Variants in CDH23 observed in about 807,000 individuals in gnomAD.
CDH23 encodes cadherin related 23, also known as cadherin-23.
A neutral mutation model predicts 317.1 loss-of-function variants in CDH23; 189 were observed. The ratio of observed to expected loss-of-function variants is 0.60; its 90% confidence interval spans 0.53 to 0.67. The LOEUF is 0.67. Ranked by LOEUF, CDH23 falls within the 30% of genes least tolerant of loss-of-function variation. CDH23 has a pLI of 0.00. For synonymous variants in CDH23, 1,839 were observed against 1,876.8 expected (o/e 0.98, Z 0.52); for missense variants, 4,401 against 4,592.4 (o/e 0.96, Z 1.20).
chr10:71,527,261 C>T (rs971305070), intron 6 of CDH23, among the ~76,000 whole-genome samples: 2 of 152,260 alleles, frequency 1.3e-5, no homozygotes, highest in Non-Finnish European at 2.9e-5. Flanking sequence ...GCCACAGCCG[C>T]CCTGCCTCCT....
At chr10:71,693,078 C>T (rs996125154) in intron 20 of CDH23, among the ~76,000 whole-genome samples, 14 of 152,216 alleles carry the variant, frequency 9.2e-5, no homozygotes, top group African/African-American at 3.1e-4. Flanking sequence ...ATCTTCACCA[C>T]GTGGGTGCTC....
At chr10:71,414,538 T>G (rs936961308) in intron 1 of CDH23, among the ~76,000 whole-genome samples, 3 of 152,260 alleles carry the variant, frequency 2.0e-5, no homozygotes, top group Non-Finnish European at 4.4e-5. Context: ...ATTCTTCTCA[T>G]AACCCCTTAT....
At chr10:71,493,622 G>C (rs887981193) in intron 3 of CDH23, among the ~76,000 whole-genome samples, 1 of 152,194 alleles carries the variant, frequency 6.6e-6, no homozygotes, top group Admixed American at 6.5e-5. Flanking sequence ...GGGGAAGGCT[G>C]TATTTTCTTT....
intron 1 of CDH23, among the ~76,000 whole-genome samples, chr10:71,404,952 C>T (rs763989280): frequency 6.6e-6 from 1 of 152,094 alleles, no homozygotes; most frequent in Non-Finnish European, 1.5e-5. Flanking sequence ...AATTTGGGAG[C>T]CAGCGAAAGC....
chr10:71,778,594 C>T (rs1840873435), intron 40 of CDH23, among the ~76,000 whole-genome samples: 1 of 152,228 alleles, frequency 6.6e-6, no homozygotes, highest in South Asian at 2.1e-4. Context: ...TGCTCTTCCA[C>T]TTTCTAGCTG....
At chr10:71,424,006 T>C (rs1182969754) in intron 1 of CDH23, among the ~76,000 whole-genome samples, 1 of 152,208 alleles carries the variant, frequency 6.6e-6, no homozygotes, top group African/African-American at 2.4e-5. Flanking sequence ...GGCTTGAGAA[T>C]TGGGCAGAAG....
intron 5 of CDH23, 49 bp from the exon 6 acceptor site, chr10:71,511,071 G>A (rs780891004): frequency 6.2e-7 from 1 of 1,611,966 alleles, no homozygotes; most frequent in Admixed American, 1.7e-5. Context: ...TAGGGTGGAA[G>A]AGGCCAGAGT....
intron 38 of CDH23, 133 bp from the exon 39 acceptor site, chr10:71,777,546 AC>A: frequency 2.7e-6 from 2 of 740,932 alleles, no homozygotes; most frequent in Non-Finnish European, 4.5e-6. Context: ...CCTGTGACCC[AC>A]CCCCTGCTTT....
At chr10:71,479,861 C>T (rs1341226899) in intron 3 of CDH23, among the ~76,000 whole-genome samples, 1 of 151,896 alleles carries the variant, frequency 6.6e-6, no homozygotes, top group African/African-American at 2.4e-5. Flanking sequence ...TTTAGGGGCT[C>T]GGGGAGCCAT....
chr10:71,617,230 C>A lies in CDH23; in HGVS notation c.971C>A (p.Thr324Asn). The A allele has an allele frequency of 1.2e-6, 2 of 1,613,910 alleles. No homozygotes were observed. The highest frequency in any genetic ancestry group is 1.7e-6 in the Non-Finnish European group (2 of 1,179,828). Residue 324 changes from threonine to asparagine, a missense_variant, in exon 11 of 70, where the codon ACC (threonine) becomes AAC (asparagine). Physicochemically the swap from Thr to Asn is moderately conservative, Grantham distance 65 (BLOSUM62 0). Around this residue, in one of 3 missense-constraint regions of CDH23, gnomAD observed 3,068 missense variants for 3,203.3 expected, o/e 0.96. Coordinates refer to ENST00000224721, the MANE Select transcript of CDH23 (RefSeq NM_022124.6). ...VKGTELNDDR[T>N]PSDATVTTTF... ...GGCACGGAGCTGAACGATGACCGCA[C>A]CCCATCTGACGCTACAGTCACCACG...
chr10:71,700,126 C>A (rs188614711), intron 22 of CDH23, among the ~76,000 whole-genome samples: 6 of 152,326 alleles, frequency 3.9e-5, no homozygotes, highest in African/African-American at 1.4e-4. Flanking sequence ...GTCGCTCACA[C>A]CTGTAATCCT....
At chr10:71,730,420 C>T (rs760076275) in intron 30 of CDH23, 49 bp from the exon 31 acceptor site, 14 of 1,599,270 alleles carry the variant, frequency 8.8e-6, no homozygotes, top group East Asian at 2.2e-5. Flanking sequence ...CCTGGGCTTC[C>T]CAGCCTCCAC....
intron 35 of CDH23, among the ~76,000 whole-genome samples, chr10:71,738,920 T>A (rs1839656583): frequency 6.6e-6 from 1 of 152,242 alleles, no homozygotes; most frequent in Non-Finnish European, 1.5e-5. Flanking sequence ...GGGTAACTCC[T>A]TCCCACGCAG....
At chr10:71,665,237 G>A (rs1448416201) in intron 14 of CDH23, among the ~76,000 whole-genome samples, 1 of 152,056 alleles carries the variant, frequency 6.6e-6, no homozygotes, top group African/African-American at 2.4e-5. Flanking sequence ...ACACCTATCC[G>A]CTGGCAAGAA....
chr10:71,552,190 A>G (rs1383578832), intron 6 of CDH23, among the ~76,000 whole-genome samples: 1 of 152,238 alleles, frequency 6.6e-6, no homozygotes, highest in Non-Finnish European at 1.5e-5. Context: ...ACTGAGGCTC[A>G]GAGAGCTTCA....
intron 3 of CDH23, among the ~76,000 whole-genome samples, chr10:71,470,504 T>C (rs982844042): frequency 1.5e-5 from 2 of 137,136 alleles, no homozygotes; most frequent in African/African-American, 2.8e-5. Context: ...TTAATTTTAC[T>C]TTTTTTTTTT....
chr10:71,695,520 A>T lies in CDH23; in HGVS notation c.2392A>T (p.Thr798Ser). The T allele has an allele frequency of 2.5e-6, 4 of 1,606,726 alleles. No homozygotes were observed. In the East Asian group the frequency reaches 6.7e-5, roughly 27 times the overall value. ...VEMTPPDSDV[T>S]TVVAVDPDLG... ...GATGACCCCTCCAGACTCTGATGTGACCACGGTAGGTGGTGGCAGAGCAGC... is the reference window on the plus strand; with the variant it reads ...GATGACCCCTCCAGACTCTGATGTGTCCACGGTAGGTGGTGGCAGAGCAGC... The change falls in exon 22 of 70, where the codon ACC becomes TCC. Residue 798 changes from threonine to serine, a missense_variant. Thr to Ser is a moderately conservative substitution (Grantham distance 58). Coordinates refer to ENST00000224721, the MANE Select transcript of CDH23 (RefSeq NM_022124.6).
chr10:71,695,848 G>A (rs935448976), intron 22 of CDH23, among the ~76,000 whole-genome samples: 1 of 152,140 alleles, frequency 6.6e-6, no homozygotes, highest in Non-Finnish European at 1.5e-5. Flanking sequence ...CAGGACTCTG[G>A]CCACCCCCTC....
intron 9 of CDH23, among the ~76,000 whole-genome samples, chr10:71,609,457 G>T (rs1021425607): frequency 6.6e-6 from 1 of 152,118 alleles, no homozygotes; most frequent in Admixed American, 6.5e-5. Context: ...CCACATCCCT[G>T]CCCCACCGTC....
Sources: gnomAD v4.1 joint callset for allele counts (sites outside exome capture counted in the v4.1 genomes callset) on GRCh38, gnomAD v4.1.1 for gene constraint, gnomAD v4.1.1 regional missense constraint, MANE v1.5 for transcripts, NCBI Gene and HGNC (gene_info 2026-07-23, HGNC 2026-07-21) for gene names.